Variants in SLC24A2 observed in about 807,000 individuals in gnomAD.
The protein encoded by SLC24A2 is sodium/potassium/calcium exchanger 2.
Under a neutral mutation model 62.0 loss-of-function variants are expected in SLC24A2, and 36 were observed. The observed-to-expected ratio is 0.58, with a 90% CI of 0.44 to 0.77. The LOEUF is 0.77. SLC24A2 is among the 30% of genes least tolerant of loss of function. The pLI is 0.00. For synonymous variants in SLC24A2, 358 were observed against 294.0 expected (o/e 1.22, Z -2.23); for missense variants, 846 against 817.9 (o/e 1.03, Z -0.42).
chr9:19,558,287 G>T (rs953630808), intron 7 of SLC24A2, among the ~76,000 whole-genome samples: 2 of 152,150 alleles, frequency 1.3e-5, no homozygotes, highest in African/African-American at 2.4e-5. Flanking sequence ...ACATCTCCAA[G>T]TTCCTAGGTG....
the SLC24A2 span, among the ~76,000 whole-genome samples, chr9:20,101,646 G>A: frequency 9.2e-5 from 14 of 152,114 alleles, no homozygotes; most frequent in Non-Finnish European, 1.6e-4. Context: ...GAGTTTCCGG[G>A]GAGAAAAGGA....
intron 2 of SLC24A2, among the ~76,000 whole-genome samples, chr9:19,745,428 A>G (rs924412524): frequency 1.3e-5 from 2 of 152,186 alleles, no homozygotes; most frequent in Middle Eastern, 3.2e-3. Flanking sequence ...TCAAGGAGTG[A>G]TTCCAAGAGA....
At chr9:19,622,814 T>G (rs1817941613) in intron 2 of SLC24A2, among the ~76,000 whole-genome samples, 1 of 152,152 alleles carries the variant, frequency 6.6e-6, no homozygotes, top group African/African-American at 2.4e-5. Flanking sequence ...AGAAATGTCA[T>G]TTTCTATATG....
the SLC24A2 span, among the ~76,000 whole-genome samples, chr9:19,854,301 C>T: frequency 9.9e-5 from 15 of 152,032 alleles, no homozygotes; most frequent in Admixed American, 3.3e-4. Flanking sequence ...TCTCTATCTC[C>T]TTCAGTTCTT....
chr9:19,615,994 G>GCGCACA (rs940689803), intron 4 of SLC24A2, among the ~76,000 whole-genome samples: 3 of 140,796 alleles, frequency 2.1e-5, no homozygotes, highest in African/African-American at 8.0e-5. Flanking sequence ...TCACAGGCGT[G>GCGCACA]CACACACACA....
intron 2 of SLC24A2, among the ~76,000 whole-genome samples, chr9:19,623,935 C>G (rs767515501): frequency 1.3e-5 from 2 of 152,182 alleles, no homozygotes; most frequent in Non-Finnish European, 2.9e-5. Context: ...GTTGGGGGCT[C>G]TCTCTCAATG....
chr9:20,164,719 G>A, the SLC24A2 span, among the ~76,000 whole-genome samples: 7 of 151,910 alleles, frequency 4.6e-5, no homozygotes, highest in Admixed American at 1.3e-4. Context: ...CAATAGCAAA[G>A]ACTTGGAACC....
chr9:19,624,469 G>A (rs535717940), intron 2 of SLC24A2, among the ~76,000 whole-genome samples: 9 of 152,114 alleles, frequency 5.9e-5, no homozygotes, highest in African/African-American at 2.2e-4. Context: ...GGTCTGAAAA[G>A]AAGAAAAAAA....
At chr9:20,284,416 T>C in the SLC24A2 span, among the ~76,000 whole-genome samples, 78,820 of 151,904 alleles carry the variant, frequency 0.52, 21,740 homozygotes, top group African/African-American at 0.73. Context: ...TAGCTGGAAC[T>C]ACAGGCAGGC....
intron 2 of SLC24A2, among the ~76,000 whole-genome samples, chr9:19,623,893 G>A (rs909162099): frequency 6.6e-6 from 1 of 152,174 alleles, no homozygotes; most frequent in African/African-American, 2.4e-5. Context: ...AGCACAGCCT[G>A]TGGGCATCAC....
the SLC24A2 span, among the ~76,000 whole-genome samples, chr9:20,076,970 A>G: frequency 6.7e-6 from 1 of 149,810 alleles, no homozygotes; most frequent in East Asian, 1.9e-4. Context: ...ATTCAGCCTT[A>G]AAAAGGGGGT....
At chr9:20,007,971 C>A in the SLC24A2 span, among the ~76,000 whole-genome samples, 1 of 131,718 alleles carries the variant, frequency 7.6e-6, no homozygotes, top group Non-Finnish European at 1.6e-5. Flanking sequence ...TCTCGGTTCA[C>A]TGCAATACCC....
chr9:20,053,961 C>T, the SLC24A2 span, among the ~76,000 whole-genome samples: 2 of 152,194 alleles, frequency 1.3e-5, no homozygotes. Flanking sequence ...GCATGAGCAG[C>T]TTAATGCTTT....
chr9:20,278,514 C>G, the SLC24A2 span, among the ~76,000 whole-genome samples: 1 of 152,212 alleles, frequency 6.6e-6, no homozygotes, highest in African/African-American at 2.4e-5. Flanking sequence ...TGCCACTAGT[C>G]TCTTTGCTAA....
the SLC24A2 span, among the ~76,000 whole-genome samples, chr9:20,296,991 A>G: frequency 6.6e-6 from 1 of 152,162 alleles, no homozygotes. Flanking sequence ...ATGTAAATAC[A>G]TTTATTTTAA....
the SLC24A2 span, among the ~76,000 whole-genome samples, chr9:20,034,704 G>C: frequency 6.6e-6 from 1 of 151,964 alleles, no homozygotes; most frequent in Non-Finnish European, 1.5e-5. Flanking sequence ...TCCTGAACTC[G>C]TGATCCGCCC....
chr9:19,553,942 A>C (rs1164879681), intron 7 of SLC24A2, among the ~76,000 whole-genome samples: 4 of 152,054 alleles, frequency 2.6e-5, no homozygotes, highest in Non-Finnish European at 5.9e-5. Context: ...CCCTCCAATC[A>C]TGCCCCTTCC....
chr9:19,689,945 GT>G (rs1306416223), intron 2 of SLC24A2, among the ~76,000 whole-genome samples: 3 of 152,090 alleles, frequency 2.0e-5, no homozygotes, highest in Non-Finnish European at 4.4e-5. Context: ...AAACTACTGA[GT>G]GCCTGAACAG....
chr9:20,271,978 G>T, the SLC24A2 span, among the ~76,000 whole-genome samples: 4 of 77,594 alleles, frequency 5.2e-5, no homozygotes, highest in Admixed American at 4.2e-4. Flanking sequence ...GAGGGGGAAA[G>T]GTTAAACTAT....
Sources: allele counts gnomAD v4.1 joint callset (sites outside exome capture counted in the v4.1 genomes callset), GRCh38; gene constraint gnomAD v4.1.1; transcripts MANE v1.5; gene names NCBI Gene and HGNC (gene_info 2026-07-23, HGNC 2026-07-21).